CLMP: variants seen among roughly 807,000 people sequenced by gnomAD.
CLMP encodes the protein CXADR like cell adhesion molecule.
CLMP carries 27 observed loss-of-function variants against 45.2 expected under a neutral mutation model. The observed-to-expected ratio is 0.60, with a 90% confidence interval of 0.44 to 0.82. CLMP has a LOEUF of 0.82. Ranked by LOEUF, CLMP falls within the 40% of genes least tolerant of loss-of-function variation. The pLI is 0.00. For synonymous variants in CLMP, 167 were observed against 171.4 expected (o/e 0.97, Z 0.20); for missense variants, 403 against 448.4 (o/e 0.90, Z 0.91).
chr11:123,190,738 C>G (rs1240213356), intron 1 of CLMP, among the ~76,000 whole-genome samples: 3 of 152,206 alleles, frequency 2.0e-5, no homozygotes, highest in Admixed American at 6.5e-5. Context: ...CAGGCAATTT[C>G]TCATATAATA....
intron 1 of CLMP, among the ~76,000 whole-genome samples, chr11:123,148,771 C>T (rs747039841): frequency 1.3e-5 from 2 of 152,208 alleles, no homozygotes; most frequent in African/African-American, 2.4e-5. Context: ...TAGTCAATTG[C>T]GTGCATGGCC....
intron 2 of CLMP, 110 bp from the exon 3 acceptor site, chr11:123,084,823 C>A: frequency 1.1e-6 from 1 of 891,562 alleles, no homozygotes; most frequent in Non-Finnish European, 1.8e-6. Context: ...GTAGTCAAGC[C>A]TGGGGCTGAG....
At chr11:123,178,473 A>C (rs576326825) in intron 1 of CLMP, among the ~76,000 whole-genome samples, 1 of 152,274 alleles carries the variant, frequency 6.6e-6, no homozygotes, top group East Asian at 1.9e-4. Context: ...TTTGACAGTC[A>C]CTAATTGAGT....
In CLMP at chr11:123,083,279, A is replaced by G. The variant is rs542153709; in HGVS notation, c.557-72T>C. On this transcript the variant is annotated intron_variant, in intron 4 of 6. Transcript: ENST00000448775. Reference sequence around the variant, plus strand: ...CTATATTTATTGTTTACTTTATTGTATCACTGAGCTGAGATTCCGTAATGC... The same window carrying G: ...CTATATTTATTGTTTACTTTATTGTGTCACTGAGCTGAGATTCCGTAATGC... The G allele has an allele frequency of 2.6e-4, 366 of 1,396,674 alleles. 2 individuals carry two copies. In the South Asian group the frequency reaches 4.2e-3, roughly 16 times the overall value. The allele number at this position is 1,396,674 out of a possible 1,614,324, so 86.5% of individuals were successfully genotyped here.
At chr11:123,143,843 C>T (rs1272759885) in intron 1 of CLMP, among the ~76,000 whole-genome samples, 4 of 150,452 alleles carry the variant, frequency 2.7e-5, no homozygotes, top group African/African-American at 9.8e-5. Flanking sequence ...GAGTCTCACT[C>T]TGTTACTCAG....
intron 5 of CLMP, among the ~76,000 whole-genome samples, chr11:123,080,793 A>C (rs1865795642): frequency 6.6e-6 from 1 of 152,230 alleles, no homozygotes; most frequent in African/African-American, 2.4e-5. Flanking sequence ...ATGTTGAAGT[A>C]TAACTTTGAA....
chr11:123,072,555 AT>A lies in CLMP; in HGVS notation c.*918del, dbSNP rs576308591. 11 of 152,268 alleles carry A rather than the reference AT, an allele frequency of 7.2e-5. No homozygotes were observed. Among genetic ancestry groups the A allele is most frequent in the Admixed American group, 5.9e-4 (9 of 15,292 alleles). The allele number at this position is 152,268 out of a possible 1,614,324, so 9.4% of individuals were successfully genotyped here. A position where few individuals can be genotyped will look rare whatever the true frequency, so the allele number is the denominator to read the frequency against. On this transcript the variant is annotated 3_prime_UTR_variant, in exon 7 of 7. Transcript: ENST00000448775. ...AGAGACTATAATGGTATGTTGGGTAATCTTTCAGCATTCCTAGATCCCTTTT... is the reference window on the plus strand; with the variant it reads ...AGAGACTATAATGGTATGTTGGGTAACTTTCAGCATTCCTAGATCCCTTTT...
Position 123,111,303 on chromosome 11 carries a change from G to T in CLMP, c.29-13351C>A, listed in dbSNP as rs778010447. Among the ~76,000 whole-genome samples the T allele has an allele frequency of 6.4e-4, 98 of 152,114 alleles. 1 individual carries two copies. The highest frequency in any genetic ancestry group is 8.7e-4 in the Non-Finnish European group (59 of 68,002). ...ACACCACCACACCCAGCTCATTTTT[G>T]TGTTTTTAGTAGAGACGGAGTTTCA... On this transcript the variant is annotated intron_variant, in intron 1 of 6. Coordinates refer to ENST00000448775, the MANE Select transcript of CLMP (RefSeq NM_024769.5).
At chr11:123,177,134 GAC>G (rs1456529439) in intron 1 of CLMP, among the ~76,000 whole-genome samples, 1 of 152,216 alleles carries the variant, frequency 6.6e-6, no homozygotes, top group African/African-American at 2.4e-5. Context: ...GGGGAATATA[GAC>G]AGTCTTAGGG....
At chr11:123,182,831 C>T (rs1375110241) in intron 1 of CLMP, among the ~76,000 whole-genome samples, 2 of 152,314 alleles carry the variant, frequency 1.3e-5, no homozygotes, top group Non-Finnish European at 1.5e-5. Flanking sequence ...TGCCCACACA[C>T]CCTCACCCAG....
chr11:123,103,944 C>T (rs150068698), intron 1 of CLMP, among the ~76,000 whole-genome samples: 1 of 151,192 alleles, frequency 6.6e-6, no homozygotes, highest in East Asian at 2.0e-4. Context: ...ATTGTTGTGC[C>T]TCAGCCTCCT....
intron 1 of CLMP, among the ~76,000 whole-genome samples, chr11:123,119,487 T>C (rs769641829): frequency 6.6e-6 from 1 of 152,194 alleles, no homozygotes; most frequent in Non-Finnish European, 1.5e-5. Context: ...ATCACCCAAG[T>C]ACTTTAATAT....
chr11:123,150,466 AGAAAGAAAGAAAGAAAGG>A (rs1473689652), intron 1 of CLMP, among the ~76,000 whole-genome samples: 2 of 106,450 alleles, frequency 1.9e-5, no homozygotes, highest in Non-Finnish European at 2.1e-5. Flanking sequence ...AAAGAAAGAA[AGAAAGAAAGAAAGAAAGG>A]AAGGAAGGAA....
At position 123,090,085 on chromosome 11, in the gene CLMP, G is replaced by A. The variant is rs1246304328; in HGVS notation, c.187-5372C>T. Among the ~76,000 whole-genome samples, 5 of 149,498 alleles carry A rather than the reference G, an allele frequency of 3.3e-5. No homozygotes were observed. In the Admixed American group the frequency reaches 3.4e-4, roughly 10 times the overall value. The stretch of plus-strand genomic sequence containing the variant: ...GCCTGGGCAACAAGAGTGAAACTCT[G>A]TCTCAAAGAAAAAAAAAAAAATTTC... On this transcript the variant is annotated intron_variant, in intron 2 of 6. Transcript: ENST00000448775.
intron 1 of CLMP, among the ~76,000 whole-genome samples, chr11:123,101,896 C>T (rs1866066308): frequency 6.6e-6 from 1 of 152,184 alleles, no homozygotes; most frequent in Non-Finnish European, 1.5e-5. Flanking sequence ...AGATATGCAA[C>T]TTCCAGGCCG....
intron 1 of CLMP, among the ~76,000 whole-genome samples, chr11:123,171,471 T>C (rs538179573): frequency 1.4e-5 from 2 of 143,366 alleles, no homozygotes; most frequent in South Asian, 4.4e-4. Flanking sequence ...TGAGACGGAG[T>C]CTAGCTCTGT....
At chr11:123,106,808 C>G (rs1235600794) in intron 1 of CLMP, among the ~76,000 whole-genome samples, 1 of 151,878 alleles carries the variant, frequency 6.6e-6, no homozygotes, top group Admixed American at 6.6e-5. Context: ...ATCACGAGGT[C>G]AGGAGATCGA....
intron 1 of CLMP, among the ~76,000 whole-genome samples, chr11:123,121,418 C>T (rs749118939): frequency 3.3e-4 from 51 of 152,272 alleles, no homozygotes; most frequent in Middle Eastern, 3.4e-3. Flanking sequence ...CTGCCTCAGC[C>T]TCCTGAGTAT....
intron 1 of CLMP, among the ~76,000 whole-genome samples, chr11:123,113,807 TCACTC>T (rs1860678052): frequency 1.3e-5 from 2 of 152,324 alleles, no homozygotes; most frequent in Non-Finnish European, 2.9e-5. Flanking sequence ...TCCACAAAGA[TCACTC>T]CACCATTCAG....
Sources: gnomAD v4.1 joint callset for allele counts (sites outside exome capture counted in the v4.1 genomes callset) on GRCh38, gnomAD v4.1.1 for gene constraint, MANE v1.5 for transcripts, NCBI Gene and HGNC (gene_info 2026-07-23, HGNC 2026-07-21) for gene names.